Variants in IL23R observed in about 807,000 individuals in gnomAD.
IL23R encodes the protein interleukin-23 receptor.
A neutral mutation model predicts 56.9 loss-of-function variants in IL23R; 34 were observed. The observed-to-expected ratio is 0.60, with a 90% CI of 0.45 to 0.80. The LOEUF is 0.80. Among genes scored for constraint, IL23R ranks in the 30% least tolerant of loss-of-function variants. The pLI, the probability that IL23R is intolerant of heterozygous loss-of-function variation, is 0.00. For missense variants in IL23R, 635 were observed against 730.0 expected, an observed-to-expected ratio of 0.87 and a Z score of 1.50; for synonymous variants, 230 against 249.2, an observed-to-expected ratio of 0.92 and a Z score of 0.73.
chr1:67,198,492 A>G (rs1648345817), intron 4 of IL23R, among the ~76,000 whole-genome samples: 1 of 152,222 alleles, frequency 6.6e-6, no homozygotes, highest in South Asian at 2.1e-4. Flanking sequence ...AATTATAAAT[A>G]CTTAGATAAA....
intron 4 of IL23R, among the ~76,000 whole-genome samples, chr1:67,190,229 T>C (rs1647640819): frequency 6.6e-6 from 1 of 152,172 alleles, no homozygotes; most frequent in Admixed American, 6.5e-5. Context: ...AGAAAGGCAG[T>C]GTTTCCCCTA....
rs539781624 is a variant in IL23R, at chr1:67,169,434, G to A, written c.163G>A (p.Ala55Thr). 41 of 1,613,342 alleles carry A rather than the reference G, an allele frequency of 2.5e-5. No individual in the cohort carries two copies. The highest frequency in any genetic ancestry group is 2.6e-5 in the Non-Finnish European group (31 of 1,179,452). Residue 55 changes from alanine to threonine, a missense_variant, in exon 3 of 11, where the codon GCA (alanine) becomes ACA (threonine). By Grantham distance (58) the Ala-to-Thr change is moderately conservative. Coordinates refer to ENST00000347310, the MANE Select transcript of IL23R (RefSeq NM_144701.3). ...GMNISIYCQA[A>T]IKNCQPRKLH... ...GAATATCTCTATATATTGCCAAGCA[G>A]CAATTAAGAACTGCCAACCAAGGAA...
intron 6 of IL23R, among the ~76,000 whole-genome samples, chr1:67,217,922 G>A (rs1013281045): frequency 5.3e-5 from 8 of 149,632 alleles, no homozygotes; most frequent in South Asian, 2.1e-4. Context: ...AATCTCAATC[G>A]TTGTAACTTT....
chr1:67,245,686 T>C (rs529116067), intron 9 of IL23R, among the ~76,000 whole-genome samples: 2 of 152,234 alleles, frequency 1.3e-5, no homozygotes, highest in Non-Finnish European at 2.9e-5. Flanking sequence ...ATAAGCTTTT[T>C]GATGTGCTGC....
At chr1:67,246,292 T>C (rs1417053569) in intron 9 of IL23R, among the ~76,000 whole-genome samples, 1 of 152,178 alleles carries the variant, frequency 6.6e-6, no homozygotes. Context: ...TTTGAAGAGT[T>C]TTTCATGTCT....
At chr1:67,254,363 C>T (rs997273178) in intron 9 of IL23R, among the ~76,000 whole-genome samples, 1 of 151,780 alleles carries the variant, frequency 6.6e-6, no homozygotes, top group Non-Finnish European at 1.5e-5. Context: ...GCCAACATGC[C>T]CGGCCCAAAA....
chr1:67,187,087 G>A (rs1375784913), intron 4 of IL23R, among the ~76,000 whole-genome samples: 2 of 151,754 alleles, frequency 1.3e-5, no homozygotes, highest in Non-Finnish European at 2.9e-5. Context: ...TTTCTCTTGG[G>A]CATATATTTA....
intron 6 of IL23R, among the ~76,000 whole-genome samples, chr1:67,218,206 T>C (rs940842599): frequency 2.0e-5 from 3 of 152,046 alleles, no homozygotes. Context: ...AGCTATTTTC[T>C]TTATCCTCCA....
chr1:67,161,392 G>A (rs184957570), intron 1 of IL23R, among the ~76,000 whole-genome samples: 4 of 151,924 alleles, frequency 2.6e-5, no homozygotes, highest in African/African-American at 9.7e-5. Flanking sequence ...CCTAAAAATA[G>A]GAAGTTATAG....
At chr1:67,256,796 T>C (rs1652976847) in intron 10 of IL23R, among the ~76,000 whole-genome samples, 1 of 152,218 alleles carries the variant, frequency 6.6e-6, no homozygotes. Flanking sequence ...GAAGTGGCTC[T>C]GTTTCAAGCT....
chr1:67,165,019 G>A (rs914860736), upstream of IL23R, among the ~76,000 whole-genome samples: 2 of 152,080 alleles, frequency 1.3e-5, no homozygotes, highest in African/African-American at 4.8e-5. Flanking sequence ...ACTAGCTTGG[G>A]CAACATGGTG....
At chr1:67,219,427 C>G in intron 6 of IL23R, 147 bp from the exon 7 acceptor site, 2 of 703,338 alleles carry the variant, frequency 2.8e-6, no homozygotes, top group East Asian at 2.7e-5. Flanking sequence ...TGATTATGTA[C>G]GGCCACGTTT....
intron 4 of IL23R, among the ~76,000 whole-genome samples, chr1:67,189,968 CCTAA>C (rs1392727043): frequency 6.6e-6 from 1 of 152,014 alleles, no homozygotes; most frequent in East Asian, 1.9e-4. Context: ...AGTCAATTTC[CCTAA>C]CTACCAGAAA....
intron 4 of IL23R, among the ~76,000 whole-genome samples, chr1:67,191,542 G>A (rs1017553358): frequency 6.6e-6 from 1 of 151,992 alleles, no homozygotes; most frequent in Non-Finnish European, 1.5e-5. Context: ...TGTAGCCTTT[G>A]CCCTTTTGAA....
upstream of IL23R, among the ~76,000 whole-genome samples, chr1:67,163,503 GAAAAGAAAAGAA>G (rs1266500711): frequency 1.1e-4 from 13 of 121,006 alleles, no homozygotes; most frequent in African/African-American, 1.9e-4. Flanking sequence ...AAAAAAGACA[GAAAAGAAAAGAA>G]AAAAGAAAAG....
At chr1:67,236,219 A>T (rs1174413572) in intron 7 of IL23R, among the ~76,000 whole-genome samples, 1 of 152,250 alleles carries the variant, frequency 6.6e-6, no homozygotes, top group African/African-American at 2.4e-5. Flanking sequence ...ACAACACCAA[A>T]GTGCCTGCTA....
downstream of IL23R, among the ~76,000 whole-genome samples, chr1:67,264,885 A>G (rs971690497): frequency 2.0e-5 from 3 of 152,232 alleles, no homozygotes; most frequent in Non-Finnish European, 4.4e-5. Context: ...TTATTCTTAA[A>G]TGGTCCATTT....
At chr1:67,158,258 A>T (rs1427157598) in intron 1 of IL23R, among the ~76,000 whole-genome samples, 5 of 152,140 alleles carry the variant, frequency 3.3e-5, no homozygotes, top group African/African-American at 4.8e-5. Context: ...TGAATGTTGT[A>T]AAAGTAATGT....
At chr1:67,156,487 G>A (rs756402796) in intron 1 of IL23R, among the ~76,000 whole-genome samples, 2 of 152,224 alleles carry the variant, frequency 1.3e-5, no homozygotes, top group Admixed American at 6.5e-5. Flanking sequence ...TGGAGCTGCT[G>A]TATTTCCTGC....
Sources: allele counts gnomAD v4.1 joint callset (sites outside exome capture counted in the v4.1 genomes callset), GRCh38; gene constraint gnomAD v4.1.1; transcripts MANE v1.5; gene names NCBI Gene and HGNC (gene_info 2026-07-23, HGNC 2026-07-21).